Variants in COL4A6 observed in about 807,000 individuals in gnomAD.
COL4A6 encodes the protein collagen type IV alpha 6 chain, also known as collagen alpha-6(IV) chain.
COL4A6 carries 59 observed loss-of-function variants against 126.7 expected under a neutral mutation model. The ratio of observed to expected loss-of-function variants is 0.47; its 90% confidence interval spans 0.38 to 0.58. The LOEUF is 0.58. Ranked by LOEUF, COL4A6 falls within the 20% of genes least tolerant of loss-of-function variation. The pLI is 0.00. For missense variants in COL4A6, 1,285 were observed against 1,337.3 expected (o/e 0.96, Z 0.61); for synonymous variants, 547 against 496.6 (o/e 1.10, Z -1.35).
At position 108,281,220 on chromosome X, in the gene COL4A6, C is replaced by T. The variant is rs371213983; in HGVS notation, c.144+29528G>A. Among the ~76,000 whole-genome samples the T allele has an allele frequency of 5.0e-3, 467 of 94,151 alleles. 3 individuals are homozygous for T. The highest frequency in any genetic ancestry group is 0.025 in the East Asian group (75 of 2,971). 81.8% of individuals were successfully genotyped at this position (94,151 alleles called of 115,157 possible). A position where few individuals can be genotyped will look rare whatever the true frequency, so the allele number is the denominator to read the frequency against. On this transcript the variant is annotated intron_variant, in intron 3 of 44. Transcript: ENST00000334504. ...AAGTCAAATTGTCCCTGTTTGCAGA[C>T]GACATGATTGTATATCTAGAAAACC...
intron 2 of COL4A6, among the ~76,000 whole-genome samples, chrX:108,337,242 T>A (rs779503274): frequency 1.8e-5 from 2 of 111,540 alleles, no homozygotes; most frequent in Non-Finnish European, 3.8e-5. Context: ...GGGGTTCCTG[T>A]CAGGTAACCT....
chrX:108,157,577 G>A (rs916897323), intron 44 of COL4A6, among the ~76,000 whole-genome samples: 3 of 111,601 alleles, frequency 2.7e-5, no homozygotes, highest in Admixed American at 9.5e-5. Flanking sequence ...GGGTTCAGAG[G>A]TGTGTTAGGT....
At chrX:108,393,858 A>T (rs1443098546) in intron 2 of COL4A6, among the ~76,000 whole-genome samples, 1 of 112,249 alleles carries the variant, frequency 8.9e-6, no homozygotes, top group Non-Finnish European at 1.9e-5. Flanking sequence ...ATTGTGGAAG[A>T]CAGTGTGGCA....
At chrX:108,176,703 C>G in intron 28 of COL4A6, 138 bp downstream of exon 28, 1 of 697,328 alleles carries the variant, frequency 1.4e-6, no homozygotes, top group Non-Finnish European at 2.1e-6. Context: ...CTAGCCTTGT[C>G]CAACTATCTT....
At chrX:108,259,540 C>T (rs755849870) in intron 3 of COL4A6, among the ~76,000 whole-genome samples, 1 of 111,419 alleles carries the variant, frequency 9.0e-6, no homozygotes, top group South Asian at 3.7e-4. Context: ...GAATCTAGTC[C>T]CACTTTTTGC....
intron 7 of COL4A6, among the ~76,000 whole-genome samples, chrX:108,210,866 C>A (rs759240073): frequency 1.8e-5 from 2 of 111,824 alleles, no homozygotes; most frequent in South Asian, 7.6e-4. Context: ...TCTTGTCCGG[C>A]TCTCCAGCCA....
At chrX:108,382,670 G>A (rs752807795) in intron 2 of COL4A6, among the ~76,000 whole-genome samples, 1 of 110,691 alleles carries the variant, frequency 9.0e-6, no homozygotes, top group African/African-American at 3.3e-5. Flanking sequence ...AACTAGGCCA[G>A]GCACGGTGGC....
chrX:108,182,595 G>A (rs753627748), intron 23 of COL4A6, among the ~76,000 whole-genome samples: 2 of 112,182 alleles, frequency 1.8e-5, no homozygotes, highest in East Asian at 5.6e-4. Flanking sequence ...ATGGTGAGAT[G>A]CTTCACTGGG....
chrX:108,352,136 G>A lies in COL4A6; in HGVS notation c.64-41308C>T, dbSNP rs368721631. ...CATTTGGAGAAGTATTTCTGCGGCT[G>A]TTGTGAAGTGCGTGTGCACCCAAGT... On this transcript the variant is annotated intron_variant, in intron 2 of 44. Transcript: ENST00000334504. Among the ~76,000 whole-genome samples, 5 of 112,773 alleles carry A rather than the reference G, an allele frequency of 4.4e-5. No individual in the cohort carries two copies. In the East Asian group the frequency reaches 8.4e-4, roughly 19 times the overall value.
chrX:108,414,961 G>A (rs956095684), intron 2 of COL4A6, among the ~76,000 whole-genome samples: 1 of 111,565 alleles, frequency 9.0e-6, no homozygotes, highest in African/African-American at 3.3e-5. Context: ...ATTAATGGAG[G>A]CCAGAGCAGT....
chrX:108,332,189 CT>C (rs1191929889), intron 2 of COL4A6, among the ~76,000 whole-genome samples: 1 of 111,727 alleles, frequency 9.0e-6, no homozygotes, highest in Non-Finnish European at 1.9e-5. Flanking sequence ...TGATTCCATT[CT>C]TTTTTGTGGC....
Position 108,438,001 on chromosome X carries a change from G to T in COL4A6, c.12-8C>A. ...ACCAGGAGCAGCCACAACCTGAAATGGGAGGGAGGGTGAGTAATGGGCTCT... is the reference window on the plus strand; with the variant it reads ...ACCAGGAGCAGCCACAACCTGAAATTGGAGGGAGGGTGAGTAATGGGCTCT... On this transcript the variant is annotated splice_region_variant and splice_polypyrimidine_tract_variant and intron_variant, in intron 1 of 44. Coordinates refer to ENST00000334504, the MANE Select transcript of COL4A6 (RefSeq NM_033641.4). The T allele has an allele frequency of 8.3e-7, 1 of 1,210,191 alleles. No individual in the cohort carries two copies. Among genetic ancestry groups the T allele is most frequent in the African/African-American group, 1.7e-5 (1 of 57,752 alleles).
chrX:108,350,445 C>A (rs1028611420), intron 2 of COL4A6, among the ~76,000 whole-genome samples: 25 of 111,417 alleles, frequency 2.2e-4, no homozygotes, highest in African/African-American at 7.5e-4. Flanking sequence ...CCCAGACCTA[C>A]TAAAGTCAGA....
At chrX:108,411,091 T>C (rs2041318628) in intron 2 of COL4A6, among the ~76,000 whole-genome samples, 1 of 111,881 alleles carries the variant, frequency 8.9e-6, no homozygotes, top group African/African-American at 3.2e-5. Flanking sequence ...AAATGAAAAA[T>C]GAATAAATTG....
At chrX:108,263,876 G>A (rs752723843) in intron 3 of COL4A6, among the ~76,000 whole-genome samples, 9 of 111,518 alleles carry the variant, frequency 8.1e-5, no homozygotes, top group South Asian at 7.6e-4. Context: ...CTGACCCTCC[G>A]TGTTTTCATG....
intron 3 of COL4A6, among the ~76,000 whole-genome samples, chrX:108,233,980 C>A (rs2036374993): frequency 8.9e-6 from 1 of 112,056 alleles, no homozygotes; most frequent in African/African-American, 3.2e-5. Context: ...GAGATGAGAT[C>A]AAGTTCTGTG....
At chrX:108,364,431 T>A (rs1410940462) in intron 2 of COL4A6, among the ~76,000 whole-genome samples, 1 of 111,363 alleles carries the variant, frequency 9.0e-6, no homozygotes, top group African/African-American at 3.3e-5. Flanking sequence ...TTTTTTTAAT[T>A]TTTAATTTTT....
intron 3 of COL4A6, among the ~76,000 whole-genome samples, chrX:108,278,442 A>C (rs919324714): frequency 1.3e-4 from 14 of 111,284 alleles, no homozygotes; most frequent in African/African-American, 4.2e-4. Context: ...AGTTTAGAGA[A>C]AAAAGAATAA....
Position 108,159,472 on chromosome X carries a change from G to C in COL4A6, c.4802C>G (p.Ser1601Cys), listed in dbSNP as rs769950136. ...AGTGCAGGACCTTACCATGAGGAAA[G>C]AGTACCCAATCCAGAGGCTGCGCCA... ...LGWRSLWIGY[S>C]FLMHTAAGAE... Residue 1601 changes from serine (S) to cysteine (C), a missense_variant, in exon 44 of 45, where the codon TCT (serine) becomes TGT (cysteine). Coordinates refer to ENST00000334504, the MANE Select transcript of COL4A6 (RefSeq NM_033641.4). 2 of 1,212,260 alleles carry C rather than the reference G, an allele frequency of 1.6e-6. No individual in the cohort carries two copies. Among genetic ancestry groups the C allele is most frequent in the South Asian group, 3.5e-5 (2 of 57,022 alleles).
Sources: allele counts gnomAD v4.1 joint callset (sites outside exome capture counted in the v4.1 genomes callset), GRCh38; gene constraint gnomAD v4.1.1; transcripts MANE v1.5; gene names NCBI Gene and HGNC (gene_info 2026-07-23, HGNC 2026-07-21).